The following SH3BP5L variants were observed in gnomAD, a reference collection of about 807,000 sequenced individuals.
The protein encoded by SH3BP5L is SH3 binding domain protein 5 like.
Under a neutral mutation model 40.9 loss-of-function variants are expected in SH3BP5L, and 16 were observed. The observed-to-expected ratio is 0.39, with a 90% CI of 0.27 to 0.59. The LOEUF is 0.59. Among genes scored for constraint, SH3BP5L ranks in the 20% least tolerant of loss-of-function variants. The probability of loss-of-function intolerance (pLI) is 0.53; values close to 1 mark genes in which losing one functional copy is unlikely to be tolerated. For missense variants in SH3BP5L, 471 were observed against 544.6 expected, an observed-to-expected ratio of 0.86 and a Z score of 1.35; for synonymous variants, 229 against 226.7, an observed-to-expected ratio of 1.01 and a Z score of -0.09.
At position 248,812,071 on chromosome 1, in the gene SH3BP5L, G is replaced by T. The variant is rs768383683; in HGVS notation, c.1011C>A (p.Ser337Arg). The change falls in exon 7 of 7, where the codon AGC becomes AGA. Residue 337 changes from serine to arginine, a missense_variant. Transcript: ENST00000366472. The surrounding 1 kb of genome is among the most constrained non-coding windows in gnomAD (Gnocchi z 6.1). ...GCAGGTCTGAAGCCACCGTGCGCAG[G>T]CTCAGCAGACTCAGGGTATCGGTGT... The part of the protein sequence containing the change: ...APDTDTLSLL[S>R]LRTVASDLQK... The T allele has an allele frequency of 1.9e-6, 3 of 1,612,962 alleles. No homozygotes were observed. The highest frequency in any genetic ancestry group is 2.5e-6 in the Non-Finnish European group (3 of 1,179,600).
intron 2 of SH3BP5L, among the ~76,000 whole-genome samples, chr1:248,823,398 C>T (rs188428320): frequency 3.3e-5 from 5 of 152,308 alleles, no homozygotes; most frequent in African/African-American, 1.2e-4. Flanking sequence ...GAAACTGAGG[C>T]TCAGAAACGT....
Position 248,816,861 on chromosome 1 carries a change from C to G in SH3BP5L, c.207G>C (p.Gln69His), listed in dbSNP as rs1272655880. The change falls in exon 3 of 7, where the codon CAG becomes CAC. Residue 69 changes from glutamine to histidine, a missense_variant. By Grantham distance (24) the Gln-to-His change is conservative (BLOSUM62 0). Around this residue, in one of 2 missense-constraint regions of SH3BP5L, gnomAD observed 275 missense variants for 370.1 expected, o/e 0.74. Coordinates refer to ENST00000366472, the MANE Select transcript of SH3BP5L (RefSeq NM_030645.3). Reference protein sequence around the residue: ...RIQEELEHLNQASEEINQVEL... With the variant: ...RIQEELEHLNHASEEINQVEL... ...CCACCTGGTTGATCTCCTCGCTGGC[C>G]TGGTTCAGGTGCTCCAACTCCTCCT... The G allele has an allele frequency of 9.3e-6, 15 of 1,614,078 alleles. No homozygotes were observed. Among genetic ancestry groups the G allele is most frequent in the Admixed American group, 3.3e-5 (2 of 60,006 alleles).
At chr1:248,817,165 C>G (rs1372239582) in intron 2 of SH3BP5L, 4 of 779,144 alleles carry the variant, frequency 5.1e-6, no homozygotes, top group Non-Finnish European at 8.0e-6. Flanking sequence ...GAATGCAACA[C>G]TAATATGCAC....
In SH3BP5L at chr1:248,825,177, G is replaced by A; in HGVS notation, c.-242C>T. 1 of 1,279,828 alleles carries A rather than the reference G, an allele frequency of 7.8e-7. No homozygotes were observed. The highest frequency in any genetic ancestry group is 9.9e-7 in the Non-Finnish European group (1 of 1,012,410). The allele number at this position is 1,279,828 out of a possible 1,614,324, so 79.3% of individuals were successfully genotyped here. A position where few individuals can be genotyped will look rare whatever the true frequency, so the allele number is the denominator to read the frequency against. ...AAAGTTCTTCCCTTCCCGCCACAGG[G>A]AGTCCACTGTGACAAACCCGGAGCA... On this transcript the variant is annotated 5_prime_UTR_variant, in exon 2 of 7. Coordinates refer to ENST00000366472, the MANE Select transcript of SH3BP5L (RefSeq NM_030645.3).
chr1:248,816,898 G>T lies in SH3BP5L; in HGVS notation c.184-14C>A. ...CTCCAACTCCTCCTGCCACAGAGAG[G>T]GGTGGCAAATTAGTGCAGTGGAAGG... On this transcript the variant is annotated splice_polypyrimidine_tract_variant and intron_variant, in intron 2 of 6. Coordinates refer to ENST00000366472, the MANE Select transcript of SH3BP5L (RefSeq NM_030645.3). 6.2e-7 allele frequency: 1 copy of T among 1,614,080 alleles called. No individual in the cohort carries two copies. Among genetic ancestry groups the T allele is most frequent in the South Asian group, 1.1e-5 (1 of 91,088 alleles).
chr1:248,813,187 G>A (rs1195021484), intron 5 of SH3BP5L, 25 bp from the exon 6 acceptor site: 2 of 1,504,368 alleles, frequency 1.3e-6, no homozygotes, highest in South Asian at 1.3e-5. Flanking sequence ...ACATCACTGA[G>A]CCAGGACCCA....
intron 2 of SH3BP5L, among the ~76,000 whole-genome samples, chr1:248,819,863 T>G (rs1664208757): frequency 6.6e-6 from 1 of 152,172 alleles, no homozygotes; most frequent in African/African-American, 2.4e-5. Flanking sequence ...TCGAAGAGAC[T>G]TATTCAACAG....
chr1:248,819,261 A>G (rs1414988113), intron 2 of SH3BP5L, among the ~76,000 whole-genome samples: 2 of 152,132 alleles, frequency 1.3e-5, no homozygotes, highest in African/African-American at 4.8e-5. Flanking sequence ...AACAGTGTAG[A>G]CCCTGCCTAA....
In SH3BP5L at chr1:248,824,879, C is replaced by G. The variant is rs764648140; in HGVS notation, c.57G>C (p.Arg19=). ...GGACTTCATCCTCTACAACTTCAGG[C>G]CGCAGCTCCCCCTGTGGGGTCTCCC... ...GGRETPQGEL[R]PEVVEDEVPR... Residue 19 remains arginine, a synonymous_variant, in exon 2 of 7, where the codon CGG becomes CGC. Transcript: ENST00000366472. 6 of 1,614,006 alleles carry G rather than the reference C, an allele frequency of 3.7e-6. No homozygotes were observed. Among genetic ancestry groups the G allele is most frequent in the Non-Finnish European group, 5.1e-6 (6 of 1,179,998 alleles).
chr1:248,812,105 G>C lies in SH3BP5L; in HGVS notation c.977C>G (p.Pro326Arg), dbSNP rs1277380449. 1 of 1,610,984 alleles carries C rather than the reference G, an allele frequency of 6.2e-7. No individual in the cohort carries two copies. ...LEEGSSLGPG[P>R]APDTDTLSLL... ...ACTCAGGGTATCGGTGTCGGGGGCGGGGCCGGGCCCCAGGCTGCTGCCCTC... is the reference window on the plus strand; with the variant it reads ...ACTCAGGGTATCGGTGTCGGGGGCGCGGCCGGGCCCCAGGCTGCTGCCCTC... Residue 326 changes from proline (P) to arginine (R), a missense_variant, in exon 7 of 7, where the codon CCC (proline) becomes CGC (arginine). By Grantham distance (103) the Pro-to-Arg change is moderately radical (BLOSUM62 -2). This residue lies in a region of SH3BP5L where 196 missense variants were observed against 174.6 expected (regional missense o/e 1.12). Coordinates refer to ENST00000366472, the MANE Select transcript of SH3BP5L (RefSeq NM_030645.3). The surrounding 1 kb of genome is among the most constrained non-coding windows in gnomAD (Gnocchi z 6.1).
chr1:248,819,096 C>G (rs562182622), intron 2 of SH3BP5L, among the ~76,000 whole-genome samples: 1 of 152,302 alleles, frequency 6.6e-6, no homozygotes, highest in South Asian at 2.1e-4. Context: ...CTATCCTCCC[C>G]CCATCCCCTG....
rs1256421016 is a variant in SH3BP5L, at chr1:248,812,279, C to T, written c.803G>A (p.Ser268Asn). 1 of 1,612,310 alleles carries T rather than the reference C, an allele frequency of 6.2e-7. No homozygotes were observed. Among genetic ancestry groups the T allele is most frequent in the South Asian group, 1.1e-5 (1 of 91,088 alleles). ...GCGGCGCCGTGCGTGAATCTGCTCGCTGATCTGCTCCAGGTTACGAAGGGC... is the reference window on the plus strand; with the variant it reads ...GCGGCGCCGTGCGTGAATCTGCTCGTTGATCTGCTCCAGGTTACGAAGGGC... ...SVALRNLEQI[S>N]EQIHARRRGG... The change falls in exon 7 of 7, where the codon AGC becomes AAC. Residue 268 changes from serine (S) to asparagine (N), a missense_variant. Around this residue, in one of 2 missense-constraint regions of SH3BP5L, gnomAD observed 275 missense variants for 370.1 expected, o/e 0.74. Transcript: ENST00000366472. The surrounding 1 kb of genome is among the most constrained non-coding windows in gnomAD (Gnocchi z 6.1).
chr1:248,823,388 G>T (rs1430019135), intron 2 of SH3BP5L, among the ~76,000 whole-genome samples: 2 of 152,178 alleles, frequency 1.3e-5, no homozygotes, highest in African/African-American at 4.8e-5. Flanking sequence ...TACAGATGAA[G>T]AAACTGAGGC....
At position 248,819,702 on chromosome 1, in the gene SH3BP5L, C is replaced by CAAAA. The variant is rs34840808; in HGVS notation, c.184-2822_184-2819dup. On this transcript the variant is annotated intron_variant, in intron 2 of 6. Transcript: ENST00000366472. ...TGGGTGAAGGAGCAAGACTCAGTCT[C>CAAAA]AAAAAAAAAAAAAAAAAAAAAAAAT... is the stretch of plus-strand genomic sequence containing the variant. Among the ~76,000 whole-genome samples the CAAAA allele has an allele frequency of 5.8e-4, 42 of 72,716 alleles. 1 individual carries two copies. The highest frequency in any genetic ancestry group is 1.9e-3 in the African/African-American group (40 of 21,212). 47.7% of individuals were successfully genotyped at this position (72,716 alleles called of 152,430 possible).
At chr1:248,823,250 T>C (rs1315940526) in intron 2 of SH3BP5L, among the ~76,000 whole-genome samples, 6 of 152,198 alleles carry the variant, frequency 3.9e-5, no homozygotes, top group Non-Finnish European at 7.3e-5. Flanking sequence ...GAGACAGCTC[T>C]TTCCCAAAGT....
In SH3BP5L at chr1:248,811,725, C is replaced by A. The variant is rs972489244; in HGVS notation, c.*175G>T. The A allele has an allele frequency of 2.1e-5, 12 of 568,270 alleles. No individual in the cohort carries two copies. The African/African-American group carries it at 2.3e-4, about 11-fold the overall frequency. 35.2% of individuals were successfully genotyped at this position (568,270 alleles called of 1,614,324 possible). On this transcript the variant is annotated 3_prime_UTR_variant, in exon 7 of 7. Transcript: ENST00000366472. Reference sequence around the variant, plus strand: ...CCGCCTGCTGAGGGGAAGGGGGAGGCTGTGAGAACGCCAGGGCAGGCACAG... The same window carrying A: ...CCGCCTGCTGAGGGGAAGGGGGAGGATGTGAGAACGCCAGGGCAGGCACAG...
At chr1:248,816,462 C>T in intron 4 of SH3BP5L, 72 bp downstream of exon 4, 2 of 1,590,662 alleles carry the variant, frequency 1.3e-6, no homozygotes, top group South Asian at 2.2e-5. Context: ...TCTCTCACTC[C>T]ATATAGAGAC....
rs907656927 is a variant in SH3BP5L, at chr1:248,821,495, G to C, written c.183+3258C>G. On this transcript the variant is annotated intron_variant, in intron 2 of 6. Transcript: ENST00000366472. The surrounding 1 kb of genome is among the most constrained non-coding windows in gnomAD (Gnocchi z 4.6). ...CTGGGGCCAGGGTGATGACTGTCCT[G>C]TGAAAGCTAAACCCATACTTCTAGA... is the stretch of plus-strand genomic sequence containing the variant. Among the ~76,000 whole-genome samples the C allele has an allele frequency of 6.6e-6, 1 of 152,108 alleles. No individual in the cohort carries two copies. The highest frequency in any genetic ancestry group is 1.5e-5 in the Non-Finnish European group (1 of 68,016).
rs996876008 is a variant in SH3BP5L, at chr1:248,825,246, G to A, written c.-311C>T. 27 of 1,101,736 alleles carry A rather than the reference G, an allele frequency of 2.5e-5. No individual in the cohort carries two copies. Among genetic ancestry groups the A allele is most frequent in the African/African-American group, 1.2e-4 (7 of 60,802 alleles). 68.2% of individuals were successfully genotyped at this position (1,101,736 alleles called of 1,614,324 possible). ...GCAAAGGGGGCTTGGATCCTGGACC[G>A]AGGCCTGCTAGGAGGAGCACCATTC... On this transcript the variant is annotated 5_prime_UTR_variant, in exon 2 of 7. Coordinates refer to ENST00000366472, the MANE Select transcript of SH3BP5L (RefSeq NM_030645.3).
Sources: gnomAD v4.1 joint callset for allele counts (sites outside exome capture counted in the v4.1 genomes callset) on GRCh38, gnomAD v4.1.1 for gene constraint, gnomAD v4.1.1 regional missense constraint, Gnocchi (gnomAD v3.1) non-coding constraint, MANE v1.5 for transcripts, NCBI Gene and HGNC (gene_info 2026-07-23, HGNC 2026-07-21) for gene names.